The following ITFG1 variants were observed in gnomAD, a reference collection of about 807,000 sequenced individuals.
ITFG1 encodes the protein T-cell immunomodulatory protein.
In ITFG1, 34 loss-of-function variants were observed where a neutral mutation model predicts 81.8. The observed-to-expected ratio is 0.42, with a 90% CI of 0.32 to 0.55. ITFG1 has a LOEUF of 0.55. ITFG1 is among the 20% of genes least tolerant of loss of function. The probability of loss-of-function intolerance (pLI) is 0.17; values close to 1 mark genes in which losing one functional copy is unlikely to be tolerated. For synonymous variants in ITFG1, 285 were observed against 270.6 expected (o/e 1.05, Z -0.52); for missense variants, 672 against 755.4 (o/e 0.89, Z 1.29).
chr16:47,330,987 A>G (rs982072060), intron 8 of ITFG1, among the ~76,000 whole-genome samples: 6 of 152,182 alleles, frequency 3.9e-5, no homozygotes, highest in African/African-American at 7.2e-5. Flanking sequence ...CACTCAAAGG[A>G]AAATAAATTG....
chr16:47,194,390 T>C (rs1965330700), intron 14 of ITFG1, among the ~76,000 whole-genome samples: 1 of 152,226 alleles, frequency 6.6e-6, no homozygotes, highest in African/African-American at 2.4e-5. Flanking sequence ...CAAAGTATCA[T>C]GCACAGTTAT....
Position 47,302,912 on chromosome 16 carries a change from G to A in ITFG1, c.1070+8328C>T, listed in dbSNP as rs150091264. 5.5e-3 allele frequency among the ~76,000 whole-genome samples: 831 copies of A among 152,306 alleles called. 6 individuals are homozygous for A. Among genetic ancestry groups the A allele is most frequent in the Middle Eastern group, 0.01 (3 of 294 alleles). On this transcript the variant is annotated intron_variant, in intron 10 of 17. Coordinates refer to ENST00000320640, the MANE Select transcript of ITFG1 (RefSeq NM_030790.5). ...AAACACTTAGATCAATCTGAACTAA[G>A]CTTCTTCTCTGCAAAAACAGAGACG...
chr16:47,447,105 T>C (rs959135419), intron 5 of ITFG1, among the ~76,000 whole-genome samples: 13 of 152,138 alleles, frequency 8.5e-5, no homozygotes, highest in Non-Finnish European at 2.9e-5. Flanking sequence ...TGGGCTCAGG[T>C]GATCCTCTTG....
At chr16:47,457,933 TC>T (rs1969474754) in intron 2 of ITFG1, among the ~76,000 whole-genome samples, 1 of 152,226 alleles carries the variant, frequency 6.6e-6, no homozygotes, top group Admixed American at 6.5e-5. Flanking sequence ...TTTATAACTT[TC>T]CCCTCAAAGT....
chr16:47,158,536 G>A (rs962603185), intron 17 of ITFG1, among the ~76,000 whole-genome samples: 3 of 152,110 alleles, frequency 2.0e-5, no homozygotes, highest in South Asian at 2.1e-4. Context: ...CTGAACACAC[G>A]TTCATTTTTT....
intron 14 of ITFG1, among the ~76,000 whole-genome samples, chr16:47,213,353 C>T (rs575653321): frequency 1.3e-5 from 2 of 152,084 alleles, no homozygotes; most frequent in East Asian, 1.9e-4. Flanking sequence ...TTAGTATATG[C>T]TCCATGGGCA....
At chr16:47,456,419 G>A (rs1481941498) in intron 2 of ITFG1, among the ~76,000 whole-genome samples, 1 of 152,092 alleles carries the variant, frequency 6.6e-6, no homozygotes, top group Non-Finnish European at 1.5e-5. Context: ...GCCGGGCGCG[G>A]TGGCTCATGC....
rs183976600 is a variant in ITFG1, at chr16:47,224,419, C to T, written c.1375-5473G>A. Among the ~76,000 whole-genome samples, 58 of 152,244 alleles carry T rather than the reference C, an allele frequency of 3.8e-4. No homozygotes were observed. In the East Asian group the frequency reaches 4.8e-3, roughly 13 times the overall value. ...CCATGAACATATGCAGCACTATGTT[C>T]GTGCCCCAGAAAGACTGGAGAAGGG... On this transcript the variant is annotated intron_variant, in intron 13 of 17. Coordinates refer to ENST00000320640, the MANE Select transcript of ITFG1 (RefSeq NM_030790.5).
chr16:47,317,083 C>T (rs1967371637), intron 8 of ITFG1, among the ~76,000 whole-genome samples: 1 of 152,122 alleles, frequency 6.6e-6, no homozygotes, highest in South Asian at 2.1e-4. Context: ...TTTACAAAAA[C>T]CAGTGTAAAA....
chr16:47,370,874 T>G (rs1404279495), intron 7 of ITFG1, among the ~76,000 whole-genome samples: 2 of 152,216 alleles, frequency 1.3e-5, no homozygotes, highest in East Asian at 3.9e-4. Context: ...GAAGTGGCAC[T>G]GAAAAAATCC....
intron 4 of ITFG1, among the ~76,000 whole-genome samples, 161 bp from the exon 5 acceptor site, chr16:47,451,631 G>A (rs1289751080): frequency 6.6e-6 from 1 of 152,170 alleles, no homozygotes; most frequent in Non-Finnish European, 1.5e-5. Flanking sequence ...AGTGACATGT[G>A]TCACTTTTAG....
chr16:47,374,801 TAGA>T (rs1243578829), intron 7 of ITFG1, among the ~76,000 whole-genome samples: 1 of 152,148 alleles, frequency 6.6e-6, no homozygotes. Flanking sequence ...TTGCTGAGCT[TAGA>T]AGTAGTCGGA....
At chr16:47,326,239 T>A (rs1010390230) in intron 8 of ITFG1, among the ~76,000 whole-genome samples, 1 of 152,184 alleles carries the variant, frequency 6.6e-6, no homozygotes, top group Non-Finnish European at 1.5e-5. Flanking sequence ...ATTATCTCAA[T>A]AGATGCAGAA....
intron 8 of ITFG1, among the ~76,000 whole-genome samples, chr16:47,345,205 G>T (rs1021656364): frequency 6.6e-6 from 1 of 151,784 alleles, no homozygotes; most frequent in Admixed American, 6.6e-5. Context: ...AATGGAAGAA[G>T]AAAAATGGTC....
rs183136988 is a variant in ITFG1, at chr16:47,406,326, T to C, written c.655+22478A>G. On this transcript the variant is annotated intron_variant, in intron 6 of 17. Transcript: ENST00000320640. Reference sequence around the variant, plus strand: ...TTAGATAAAATTCCCACAGCCAAAGTATCTAAGCATTGTATGTATTTCTGA... The same window carrying C: ...TTAGATAAAATTCCCACAGCCAAAGCATCTAAGCATTGTATGTATTTCTGA... Among the ~76,000 whole-genome samples the C allele has an allele frequency of 6.3e-4, 96 of 152,386 alleles. 3 individuals are homozygous for C. The highest frequency in any genetic ancestry group is 4.8e-3 in the Admixed American group (74 of 15,308).
chr16:47,455,868 T>C (rs1311074531), intron 2 of ITFG1, among the ~76,000 whole-genome samples: 2 of 137,838 alleles, frequency 1.5e-5, no homozygotes, highest in Non-Finnish European at 1.6e-5. Context: ...AACTAAATGA[T>C]AAAAATAAGA....
chr16:47,166,707 T>C (rs1964893590), intron 14 of ITFG1, among the ~76,000 whole-genome samples: 1 of 152,212 alleles, frequency 6.6e-6, no homozygotes, highest in African/African-American at 2.4e-5. Flanking sequence ...TAATTCCATA[T>C]TGTTGGAGGT....
chr16:47,366,227 T>C (rs1206771814), intron 7 of ITFG1, among the ~76,000 whole-genome samples: 2 of 152,166 alleles, frequency 1.3e-5, no homozygotes, highest in African/African-American at 2.4e-5. Context: ...AGTTGGGAGA[T>C]AGAATATAAG....
chr16:47,303,648 AGGTCTGACTCTGTCACC>A (rs1178103691), intron 10 of ITFG1, among the ~76,000 whole-genome samples: 1 of 152,070 alleles, frequency 6.6e-6, no homozygotes, highest in Non-Finnish European at 1.5e-5. Flanking sequence ...CTTAGAGACA[AGGTCTGACTCTGTCACC>A]CAGGCTGGAA....
Sources: gnomAD v4.1 joint callset for allele counts (sites outside exome capture counted in the v4.1 genomes callset) on GRCh38, gnomAD v4.1.1 for gene constraint, MANE v1.5 for transcripts, NCBI Gene and HGNC (gene_info 2026-07-23, HGNC 2026-07-21) for gene names.